Variants in STARD13 observed in about 807,000 individuals in gnomAD.
The protein encoded by STARD13 is StAR related lipid transfer domain containing 13, also known as stAR-related lipid transfer protein 13.
STARD13 carries 62 observed loss-of-function variants against 106.4 expected under a neutral mutation model. The ratio of observed to expected loss-of-function variants is 0.58; its 90% CI spans 0.48 to 0.72. The LOEUF (loss-of-function observed/expected upper bound fraction) is 0.72. Ranked by LOEUF, STARD13 falls within the 30% of genes least tolerant of loss-of-function variation. The pLI is 0.00. For missense variants in STARD13, 1,387 were observed against 1,424.0 expected (o/e 0.97, Z 0.42); for synonymous variants, 565 against 553.0 (o/e 1.02, Z -0.31).
intron 1 of STARD13, among the ~76,000 whole-genome samples, chr13:33,317,849 T>C (rs777715951): frequency 3.3e-5 from 5 of 152,240 alleles, no homozygotes; most frequent in Non-Finnish European, 7.3e-5. Context: ...AATGAATGGA[T>C]GGACGGATGG....
At chr13:33,400,585 C>T in the STARD13 span, among the ~76,000 whole-genome samples, 4 of 152,110 alleles carry the variant, frequency 2.6e-5, no homozygotes, top group Non-Finnish European at 5.9e-5. Context: ...CTCAGCCTCC[C>T]GGGTTGCTGG....
At chr13:33,527,465 A>G in the STARD13 span, among the ~76,000 whole-genome samples, 1 of 152,108 alleles carries the variant, frequency 6.6e-6, no homozygotes, top group Non-Finnish European at 1.5e-5. Flanking sequence ...AAAGGAAATC[A>G]ATTATGAATT....
At chr13:33,217,916 G>C (rs1888134296) in intron 1 of STARD13, among the ~76,000 whole-genome samples, 1 of 152,146 alleles carries the variant, frequency 6.6e-6, no homozygotes, top group South Asian at 2.1e-4. Flanking sequence ...TTTTAAAAGA[G>C]AAAGACAAGG....
chr13:33,432,710 A>T, the STARD13 span, among the ~76,000 whole-genome samples: 1 of 152,226 alleles, frequency 6.6e-6, no homozygotes, highest in African/African-American at 2.4e-5. Context: ...TACTTATAAA[A>T]GGCATTTTCA....
intron 1 of STARD13, among the ~76,000 whole-genome samples, chr13:33,220,507 A>T (rs1207417533): frequency 6.6e-6 from 1 of 152,160 alleles, no homozygotes; most frequent in African/African-American, 2.4e-5. Flanking sequence ...CCTGGCCAAC[A>T]TAGTGAAACC....
chr13:33,660,601 A>G, the STARD13 span, among the ~76,000 whole-genome samples: 2 of 152,180 alleles, frequency 1.3e-5, no homozygotes, highest in African/African-American at 2.4e-5. Flanking sequence ...TTGTTTTTCA[A>G]GAGACAAGAT....
intron 1 of STARD13, among the ~76,000 whole-genome samples, chr13:33,333,217 C>G (rs1191711901): frequency 6.6e-6 from 1 of 151,892 alleles, no homozygotes; most frequent in Non-Finnish European, 1.5e-5. Context: ...TGATGAAACC[C>G]CATCTCTACT....
At chr13:33,200,882 C>G (rs1433269793) in intron 1 of STARD13, among the ~76,000 whole-genome samples, 1 of 151,748 alleles carries the variant, frequency 6.6e-6, no homozygotes, top group African/African-American at 2.4e-5. Context: ...AAAAATTAGC[C>G]GGGCATGGTG....
chr13:33,138,789 G>A (rs767290718), intron 4 of STARD13: 1 of 455,604 alleles, frequency 2.2e-6, no homozygotes, highest in African/African-American at 2.0e-5. Context: ...AGCTAAGCTC[G>A]AGAATACTCC....
At chr13:33,168,170 A>G (rs998232440) in intron 1 of STARD13, among the ~76,000 whole-genome samples, 1 of 152,176 alleles carries the variant, frequency 6.6e-6, no homozygotes, top group Non-Finnish European at 1.5e-5. Flanking sequence ...AATTTCACTA[A>G]TAGCCTTAAT....
At chr13:33,343,748 C>A (rs187180982), downstream of STARD13, among the ~76,000 whole-genome samples, 1 of 152,026 alleles carries the variant, frequency 6.6e-6, no homozygotes, top group East Asian at 1.9e-4. Flanking sequence ...CTCACCTAGA[C>A]CATCACTGGT....
the STARD13 span, among the ~76,000 whole-genome samples, chr13:33,504,176 C>G: frequency 2.3e-4 from 35 of 152,072 alleles, no homozygotes; most frequent in Non-Finnish European, 4.9e-4. Flanking sequence ...ACTAGTTCAA[C>G]CATTATGGAA....
chr13:33,614,529 C>G, the STARD13 span, among the ~76,000 whole-genome samples: 1 of 152,114 alleles, frequency 6.6e-6, no homozygotes, highest in African/African-American at 2.4e-5. Context: ...CTGGCAAAGT[C>G]TCAGAGCTCA....
intron 1 of STARD13, among the ~76,000 whole-genome samples, chr13:33,189,135 G>T (rs553924827): frequency 6.6e-6 from 1 of 151,924 alleles, no homozygotes; most frequent in Non-Finnish European, 1.5e-5. Context: ...TGAATAGCTC[G>T]ATGCTTCATA....
chr13:33,358,825 T>A, the STARD13 span, among the ~76,000 whole-genome samples: 1 of 151,148 alleles, frequency 6.6e-6, no homozygotes. Context: ...TAGCTCAAGG[T>A]TTGTAAATAC....
chr13:33,324,611 G>A (rs1230549089), intron 1 of STARD13, among the ~76,000 whole-genome samples: 2 of 152,024 alleles, frequency 1.3e-5, no homozygotes, highest in Admixed American at 6.5e-5. Flanking sequence ...CAGGGTAAGG[G>A]GTGTTTAGCG....
chr13:33,555,844 C>T, the STARD13 span, among the ~76,000 whole-genome samples: 10 of 152,198 alleles, frequency 6.6e-5, no homozygotes, highest in African/African-American at 2.4e-4. Context: ...TTTGCCCACT[C>T]TTCTATGATG....
intron 1 of STARD13, among the ~76,000 whole-genome samples, chr13:33,331,844 A>C (rs2077840562): frequency 6.8e-6 from 1 of 146,814 alleles, no homozygotes; most frequent in African/African-American, 2.5e-5. Flanking sequence ...CATTTGCATA[A>C]AAAAACCAAG....
At chr13:33,468,764 A>G in the STARD13 span, among the ~76,000 whole-genome samples, 1 of 152,184 alleles carries the variant, frequency 6.6e-6, no homozygotes, top group Non-Finnish European at 1.5e-5. Flanking sequence ...TCTTTTCTAG[A>G]AGCACAGCAT....
Sources: allele counts gnomAD v4.1 joint callset (sites outside exome capture counted in the v4.1 genomes callset), GRCh38; gene constraint gnomAD v4.1.1; transcripts MANE v1.5; gene names NCBI Gene and HGNC (gene_info 2026-07-23, HGNC 2026-07-21).